The following LSAMP variants were observed in gnomAD, a reference collection of about 807,000 sequenced individuals.
LSAMP encodes the protein limbic system-associated membrane protein.
In LSAMP, 7 loss-of-function variants were observed where a neutral mutation model predicts 38.6. The ratio of observed to expected loss-of-function variants is 0.18; its 90% CI spans 0.10 to 0.34. The LOEUF (loss-of-function observed/expected upper bound fraction) is 0.34. LSAMP is among the 10% of genes least tolerant of loss of function. The pLI, the probability that LSAMP is intolerant of heterozygous loss-of-function variation, is 1.00. For synonymous variants in LSAMP, 154 were observed against 166.8 expected (o/e 0.92, Z 0.59); for missense variants, 313 against 420.0 (o/e 0.75, Z 2.23).
rs199926420 is a variant in LSAMP at position 116,346,028 on chromosome 3, T to C, written c.155+98849A>G. On this transcript the variant is annotated intron_variant, in intron 1 of 6. Coordinates refer to ENST00000490035, the MANE Select transcript of LSAMP (RefSeq NM_002338.5). ...AGGCAGAATCTGTTCTGAAATGAGA[T>C]GAAGGAAGAAACCAGGGTATATTCT... Among the ~76,000 whole-genome samples, 15 of 152,310 alleles carry C rather than the reference T, an allele frequency of 9.8e-5. No individual in the cohort carries two copies. In the East Asian group the frequency reaches 2.3e-3, roughly 24 times the overall value.
At chr3:115,905,627 A>T (rs1175148071) in intron 3 of LSAMP, among the ~76,000 whole-genome samples, 3 of 152,250 alleles carry the variant, frequency 2.0e-5, no homozygotes, top group Admixed American at 2.0e-4. Flanking sequence ...AAAAGGCTTT[A>T]AGAATTATTA....
chr3:115,917,876 C>A (rs1300779635), intron 3 of LSAMP, among the ~76,000 whole-genome samples: 1 of 152,172 alleles, frequency 6.6e-6, no homozygotes, highest in African/African-American at 2.4e-5. Context: ...TCACCAACTT[C>A]CATAAATATA....
intron 3 of LSAMP, among the ~76,000 whole-genome samples, chr3:116,002,687 G>C (rs1373653682): frequency 2.0e-5 from 3 of 152,096 alleles, no homozygotes; most frequent in Admixed American, 2.0e-4. Flanking sequence ...CATGCAAATG[G>C]AACCAAAATG....
chr3:115,861,169 CCTTCCTTCCTTCCTT>C, intron 3 of LSAMP, among the ~76,000 whole-genome samples: 1 of 118,330 alleles, frequency 8.5e-6, no homozygotes, highest in Non-Finnish European at 1.7e-5. Flanking sequence ...TTCCTTCCTT[CCTTCCTTCCTTCCTT>C]CCTTCCTTCC....
In LSAMP at chr3:116,342,559, A is replaced by G. The variant is rs141522021; in HGVS notation, c.155+102318T>C. ...TGAGGAATATGTTTTGATATGGATC[A>G]TCCCTGTGACCTTCAAATGACATTC... On this transcript the variant is annotated intron_variant, in intron 1 of 6. Coordinates refer to ENST00000490035, the MANE Select transcript of LSAMP (RefSeq NM_002338.5). Among the ~76,000 whole-genome samples the G allele has an allele frequency of 2.6e-4, 40 of 152,222 alleles. 1 individual carries two copies. The East Asian group carries it at 7.5e-3, about 29-fold the overall frequency.
In LSAMP at chr3:115,949,141, C is replaced by A. The variant is rs146923318; in HGVS notation, c.514+70374G>T. 4.0e-3 allele frequency among the ~76,000 whole-genome samples: 612 copies of A among 152,290 alleles called. 6 individuals are homozygous for A. The highest frequency in any genetic ancestry group is 0.014 in the African/African-American group (579 of 41,570). On this transcript the variant is annotated intron_variant, in intron 3 of 6. Coordinates refer to ENST00000490035, the MANE Select transcript of LSAMP (RefSeq NM_002338.5). ...AGGCATGGTGGTGCATGCCTGTAAT[C>A]CCAGCTACTTGGGTGGCTGAGGCAC...
chr3:115,873,247 G>A (rs1936094432), intron 3 of LSAMP, among the ~76,000 whole-genome samples: 1 of 152,014 alleles, frequency 6.6e-6, no homozygotes, highest in South Asian at 2.1e-4. Context: ...GCATGTACCT[G>A]TAATCCCAGC....
chr3:115,986,739 A>C (rs73149075), intron 3 of LSAMP, among the ~76,000 whole-genome samples: 3,295 of 152,222 alleles, frequency 0.022, 64 homozygotes, highest in South Asian at 0.051. Flanking sequence ...CAAAATCAGA[A>C]GCTCAGCAAC....
intron 1 of LSAMP, among the ~76,000 whole-genome samples, chr3:116,125,380 T>A (rs1328558684): frequency 8.8e-6 from 1 of 114,256 alleles, no homozygotes; most frequent in Non-Finnish European, 1.8e-5. Flanking sequence ...CCGCCACGAG[T>A]TTCCTTCATT....
chr3:116,269,129 C>T (rs1053923338), intron 1 of LSAMP, among the ~76,000 whole-genome samples: 9 of 152,112 alleles, frequency 5.9e-5, no homozygotes, highest in East Asian at 1.9e-4. Context: ...AAGCACAAAA[C>T]GCTTTAATTA....
At chr3:116,423,427 A>AG (rs1390507189) in intron 1 of LSAMP, among the ~76,000 whole-genome samples, 1 of 152,194 alleles carries the variant, frequency 6.6e-6, no homozygotes, top group Non-Finnish European at 1.5e-5. Context: ...ATTAAGAGCA[A>AG]GGGTGGCAGA....
At chr3:116,117,166 G>A (rs1242274586) in intron 1 of LSAMP, among the ~76,000 whole-genome samples, 1 of 152,160 alleles carries the variant, frequency 6.6e-6, no homozygotes, top group Non-Finnish European at 1.5e-5. Flanking sequence ...GATATGGTAA[G>A]ATAAAATGCA....
intron 1 of LSAMP, among the ~76,000 whole-genome samples, chr3:116,146,200 A>G (rs1709486582): frequency 6.6e-6 from 1 of 151,776 alleles, no homozygotes; most frequent in African/African-American, 2.4e-5. Context: ...TCTGATCTGT[A>G]TTGGCCTATA....
In LSAMP at chr3:115,962,789, G is replaced by A. The variant is rs1251169380; in HGVS notation, c.514+56726C>T. On this transcript the variant is annotated intron_variant, in intron 3 of 6. Transcript: ENST00000490035. ...TTCGCATGGGTAGATGGAGCCCCCA[G>A]CCCTTTGGATTTCAGCACATTGATA... 3.3e-5 allele frequency among the ~76,000 whole-genome samples: 5 copies of A among 152,268 alleles called. No individual in the cohort carries two copies. The East Asian group carries it at 5.8e-4, about 18-fold the overall frequency.
chr3:116,169,981 G>A (rs540979176), intron 1 of LSAMP, among the ~76,000 whole-genome samples: 12 of 152,242 alleles, frequency 7.9e-5, no homozygotes, highest in South Asian at 6.2e-4. Context: ...GCGAATTAAC[G>A]AGCTTAAACC....
intron 1 of LSAMP, among the ~76,000 whole-genome samples, chr3:116,302,763 G>A (rs1576494246): frequency 6.6e-6 from 1 of 152,228 alleles, no homozygotes; most frequent in East Asian, 1.9e-4. Context: ...ATAACATGAT[G>A]TGATTTCAAA....
chr3:115,869,193 AT>A (rs1935946949), intron 3 of LSAMP, among the ~76,000 whole-genome samples: 1 of 151,992 alleles, frequency 6.6e-6, no homozygotes, highest in South Asian at 2.1e-4. Flanking sequence ...TTTGATAGCC[AT>A]AAACAAAAAG....
At chr3:115,873,430 T>C (rs751805024) in intron 3 of LSAMP, among the ~76,000 whole-genome samples, 11 of 150,958 alleles carry the variant, frequency 7.3e-5, no homozygotes, top group Non-Finnish European at 1.5e-4. Flanking sequence ...GAAATTCTGT[T>C]TCAGAGAAAG....
intron 3 of LSAMP, among the ~76,000 whole-genome samples, chr3:115,899,739 G>C (rs1483872163): frequency 6.6e-6 from 1 of 152,126 alleles, no homozygotes; most frequent in East Asian, 1.9e-4. Flanking sequence ...TGCACAGTCA[G>C]CAACAATCTA....
Sources: allele counts gnomAD v4.1 joint callset (sites outside exome capture counted in the v4.1 genomes callset), GRCh38; gene constraint gnomAD v4.1.1; transcripts MANE v1.5; gene names NCBI Gene and HGNC (gene_info 2026-07-23, HGNC 2026-07-21).